The following ZBBX variants were observed in gnomAD, a reference collection of about 807,000 sequenced individuals.
ZBBX encodes zinc finger B-box domain-containing protein 1.
A neutral mutation model predicts 108.5 loss-of-function variants in ZBBX; 101 were observed. The ratio of observed to expected loss-of-function variants is 0.93; its 90% CI spans 0.79 to 1.10. The LOEUF (loss-of-function observed/expected upper bound fraction) is 1.10. Ranked by LOEUF, ZBBX falls within the 50% of genes least tolerant of loss-of-function variation. The pLI, the probability that ZBBX is intolerant of heterozygous loss-of-function variation, is 0.00. For synonymous variants in ZBBX, 356 were observed against 323.4 expected (o/e 1.10, Z -1.08); for missense variants, 1,009 against 941.4 (o/e 1.07, Z -0.94).
intron 5 of ZBBX, among the ~76,000 whole-genome samples, chr3:167,367,462 A>G (rs1477363808): frequency 2.0e-5 from 3 of 151,872 alleles, no homozygotes; most frequent in African/African-American, 7.2e-5. Context: ...CTACGTAGCC[A>G]CTAAGAAAAT....
the ZBBX span, among the ~76,000 whole-genome samples, chr3:167,190,506 G>C: frequency 6.7e-6 from 1 of 150,332 alleles, no homozygotes; most frequent in Admixed American, 6.7e-5. Flanking sequence ...TCATTCTCCC[G>C]ACTAGCTGGG....
chr3:167,222,840 C>G, the ZBBX span, among the ~76,000 whole-genome samples: 3 of 134,420 alleles, frequency 2.2e-5, no homozygotes, highest in African/African-American at 8.1e-5. Flanking sequence ...GTAACGGGTA[C>G]CAACATATAG....
At chr3:167,256,078 C>G (rs1303344735) in intron 20 of ZBBX, among the ~76,000 whole-genome samples, 1 of 152,080 alleles carries the variant, frequency 6.6e-6, no homozygotes, top group African/African-American at 2.4e-5. Flanking sequence ...CTGTGCCTGG[C>G]TTATTTCACT....
intron 16 of ZBBX, among the ~76,000 whole-genome samples, chr3:167,313,297 CAG>C (rs1157369625): frequency 2.6e-5 from 4 of 151,970 alleles, no homozygotes; most frequent in Non-Finnish European, 1.5e-5. Context: ...TTTTTTGAGA[CAG>C]AGTTTTGCTC....
chr3:167,358,356 A>G (rs1743933674), intron 8 of ZBBX, among the ~76,000 whole-genome samples: 1 of 149,530 alleles, frequency 6.7e-6, no homozygotes, highest in Admixed American at 6.7e-5. Context: ...GTAAAATACT[A>G]TTTACTAGGG....
chr3:167,342,660 T>G (rs1222701400), intron 9 of ZBBX, among the ~76,000 whole-genome samples: 3 of 151,832 alleles, frequency 2.0e-5, no homozygotes, highest in African/African-American at 7.2e-5. Context: ...TAACTACCAC[T>G]ATTCTAATTT....
chr3:167,196,271 C>CA, the ZBBX span, among the ~76,000 whole-genome samples: 2 of 152,058 alleles, frequency 1.3e-5, no homozygotes, highest in African/African-American at 4.8e-5. Context: ...CATGTGAAAC[C>CA]AATTCTATTT....
intron 6 of ZBBX, among the ~76,000 whole-genome samples, chr3:167,364,815 C>T (rs1745085207): frequency 6.6e-6 from 1 of 151,924 alleles, no homozygotes; most frequent in Admixed American, 6.6e-5. Context: ...ACTCCCTTAA[C>T]TTCAACTATC....
Position 167,365,928 on chromosome 3 carries a change from A to T in ZBBX, c.231T>A (p.Asn77Lys). Residue 77 changes from asparagine to lysine, a missense_variant, in exon 6 of 22, where the codon AAT becomes AAA. Coordinates refer to ENST00000675490, the MANE Select transcript of ZBBX (RefSeq NM_001199201.2). ...TATTTTGTGACATCATATATGATTG[A>T]TTGACCAATTTGCCCACTTTTCCAG... is the stretch of plus-strand genomic sequence containing the variant. ...WKSGKVGKLV[N>K]QSYMMSQNKG... 4 of 1,609,706 alleles carry T rather than the reference A, an allele frequency of 2.5e-6. No homozygotes were observed. The highest frequency in any genetic ancestry group is 2.5e-6 in the Non-Finnish European group (3 of 1,176,990).
chr3:167,276,844 G>A (rs1727682314), intron 20 of ZBBX, among the ~76,000 whole-genome samples: 1 of 152,050 alleles, frequency 6.6e-6, no homozygotes, highest in Admixed American at 6.6e-5. Flanking sequence ...CAGCCAGAGA[G>A]AAAGGTCGGG....
chr3:167,330,945 T>TTC (rs151154237), intron 10 of ZBBX, among the ~76,000 whole-genome samples: 899 of 87,196 alleles, frequency 0.01, 55 homozygotes, highest in African/African-American at 0.036. Context: ...CTCTCTTTCT[T>TTC]TCTCTCTCTC....
At chr3:167,320,260 AT>A (rs1288931445) in intron 12 of ZBBX, among the ~76,000 whole-genome samples, 1 of 151,374 alleles carries the variant, frequency 6.6e-6, no homozygotes, top group African/African-American at 2.4e-5. Flanking sequence ...AAAAAAAAAA[AT>A]TGATGACAAC....
At chr3:167,371,031 G>A (rs1427043248) in intron 4 of ZBBX, among the ~76,000 whole-genome samples, 2 of 152,116 alleles carry the variant, frequency 1.3e-5, no homozygotes, top group African/African-American at 2.4e-5. Flanking sequence ...GTCAGACAAT[G>A]TAAAGGCAAT....
At chr3:167,368,162 T>G (rs1745625787) in intron 5 of ZBBX, among the ~76,000 whole-genome samples, 1 of 151,324 alleles carries the variant, frequency 6.6e-6, no homozygotes, top group African/African-American at 2.4e-5. Context: ...ACTGCTGTCA[T>G]AAACATTCCA....
chr3:167,350,359 T>C, intron 9 of ZBBX, 61 bp downstream of exon 9: 1 of 1,308,812 alleles, frequency 7.6e-7, no homozygotes, highest in Non-Finnish European at 1.1e-6. Flanking sequence ...ACATTTTAAA[T>C]GTCTTTATGT....
intron 9 of ZBBX, among the ~76,000 whole-genome samples, chr3:167,346,909 G>C (rs932592529): frequency 6.6e-6 from 1 of 151,822 alleles, no homozygotes; most frequent in Non-Finnish European, 1.5e-5. Context: ...AAATGGCAGA[G>C]AGCTACAAGA....
At chr3:167,224,180 C>A in the ZBBX span, among the ~76,000 whole-genome samples, 1 of 151,946 alleles carries the variant, frequency 6.6e-6, no homozygotes, top group African/African-American at 2.4e-5. Flanking sequence ...CATTCTAATA[C>A]ATATCAGTTA....
At chr3:167,245,136 G>T in intron 20 of ZBBX, among the ~76,000 whole-genome samples, 2 of 152,140 alleles carry the variant, frequency 1.3e-5, no homozygotes, top group East Asian at 3.9e-4. Context: ...AGTGTGGGCC[G>T]GGCGCGGTGG....
At chr3:167,378,070 C>A (rs1199833400) in intron 2 of ZBBX, among the ~76,000 whole-genome samples, 1 of 152,202 alleles carries the variant, frequency 6.6e-6, no homozygotes, top group Admixed American at 6.5e-5. Flanking sequence ...TTCCTTTCTG[C>A]CATGATTATA....
Sources: allele counts gnomAD v4.1 joint callset (sites outside exome capture counted in the v4.1 genomes callset), GRCh38; gene constraint gnomAD v4.1.1; transcripts MANE v1.5; gene names NCBI Gene and HGNC (gene_info 2026-07-23, HGNC 2026-07-21).